Variants in CUBN observed in about 807,000 individuals in gnomAD.
CUBN encodes cubilin, also known as 460 kDa receptor.
CUBN carries 282 observed loss-of-function variants against 405.3 expected under a neutral mutation model. That is an observed-to-expected ratio of 0.70 (90% CI 0.63 to 0.77). The LOEUF (loss-of-function observed/expected upper bound fraction) is 0.77. Ranked by LOEUF, CUBN falls within the 30% of genes least tolerant of loss-of-function variation. CUBN has a pLI of 0.00. For missense variants in CUBN, 4,514 were observed against 4,475.2 expected (o/e 1.01, Z -0.25); for synonymous variants, 1,684 against 1,617.0 (o/e 1.04, Z -0.99).
intron 22 of CUBN, among the ~76,000 whole-genome samples, chr10:17,058,217 C>T (rs1835434411): frequency 6.6e-6 from 1 of 151,886 alleles, no homozygotes; most frequent in African/African-American, 2.4e-5. Context: ...TGGTAGAAAC[C>T]AGGTGTGTGT....
chr10:17,069,053 C>A (rs192015196), intron 19 of CUBN, among the ~76,000 whole-genome samples: 2 of 152,098 alleles, frequency 1.3e-5, no homozygotes, highest in Non-Finnish European at 2.9e-5. Context: ...AATATGGGGT[C>A]TTTTGTGATT....
In CUBN at chr10:17,019,914, T is replaced by A. The variant is rs1235508568; in HGVS notation, c.4087A>T (p.Ser1363Cys). The A allele has an allele frequency of 6.2e-7, 1 of 1,614,166 alleles. No individual in the cohort carries two copies. The highest frequency in any genetic ancestry group is 1.7e-5 in the Admixed American group (1 of 60,024). ...VDLPPPGSTT[S>C]SKLQVLLLTD... The stretch of plus-strand genomic sequence containing the variant: ...AGGAGCAGCACTTGAAGCTTGGAGC[T>A]TGTAGTACTCCCTGGAGGGGGCAGG... The change falls in exon 28 of 67, where the codon AGC becomes TGC. Residue 1363 changes from serine (S) to cysteine (C), a missense_variant. Ser to Cys is a moderately radical substitution (Grantham distance 112). Around this residue, in one of 5 missense-constraint regions of CUBN, gnomAD observed 242 missense variants for 309.0 expected, o/e 0.78. Coordinates refer to ENST00000377833, the MANE Select transcript of CUBN (RefSeq NM_001081.4).
In CUBN at chr10:16,869,718, G is replaced by A; in HGVS notation, c.9372C>T (p.Ser3124=). 6.2e-7 allele frequency: 1 copy of A among 1,614,040 alleles called. No individual in the cohort carries two copies. Among genetic ancestry groups the A allele is most frequent in the Non-Finnish European group, 8.5e-7 (1 of 1,179,938 alleles). ...GSKRPPNVKS[S]NNSMLLVFKT... The stretch of plus-strand genomic sequence containing the variant: ...TGAACACCAGGAGCATACTATTATT[G>A]CTGCTCTTCACATTTGGTGGGCGCT... Residue 3124 remains serine, a synonymous_variant, in exon 59 of 67, where the codon AGC becomes AGT. Transcript: ENST00000377833.
chr10:16,979,103 G>A (rs1833187151), intron 31 of CUBN, among the ~76,000 whole-genome samples: 1 of 152,086 alleles, frequency 6.6e-6, no homozygotes, highest in South Asian at 2.1e-4. Context: ...TTGCTACAAA[G>A]AGAATAAAAT....
At chr10:16,932,936 T>C in intron 40 of CUBN, 151 bp downstream of exon 40, 1 of 750,492 alleles carries the variant, frequency 1.3e-6, no homozygotes, top group Non-Finnish European at 2.3e-6. Context: ...TCAGAAGTTG[T>C]AGCCATTTCT....
chr10:16,958,126 C>T (rs910780333), intron 31 of CUBN, among the ~76,000 whole-genome samples: 1 of 152,098 alleles, frequency 6.6e-6, no homozygotes, highest in Admixed American at 6.5e-5. Context: ...AGGCTGAAAT[C>T]TTCAGAAAAT....
At chr10:17,032,590 A>C (rs1287586419) in intron 27 of CUBN, among the ~76,000 whole-genome samples, 1 of 152,232 alleles carries the variant, frequency 6.6e-6, no homozygotes, top group African/African-American at 2.4e-5. Context: ...TGTCTAGCAC[A>C]TGATGGGCAT....
At position 17,071,901 on chromosome 10, in the gene CUBN, G is replaced by C; in HGVS notation, c.2372C>G (p.Thr791Ser). 1 of 1,612,716 alleles carries C rather than the reference G, an allele frequency of 6.2e-7. No homozygotes were observed. The highest frequency in any genetic ancestry group is 8.5e-7 in the Non-Finnish European group (1 of 1,179,136). The change falls in exon 18 of 67, where the codon ACT becomes AGT. Residue 791 changes from threonine to serine, a missense_variant. Coordinates refer to ENST00000377833, the MANE Select transcript of CUBN (RefSeq NM_001081.4). ...TTTAAACCTGATCCAGACACTATTA[G>C]TAATGGATTTAATGTGAGAGATGGT... is the stretch of plus-strand genomic sequence containing the variant. ...NGTISHIKSI[T>S]NSVWIRFKID... is the part of the protein sequence containing the mutation.
At chr10:16,964,927 T>C (rs1843344179) in intron 31 of CUBN, among the ~76,000 whole-genome samples, 1 of 152,348 alleles carries the variant, frequency 6.6e-6, no homozygotes, top group African/African-American at 2.4e-5. Flanking sequence ...TCTTCCATGT[T>C]CCACAAACCC....
intron 22 of CUBN, among the ~76,000 whole-genome samples, chr10:17,059,534 GT>G (rs1473441628): frequency 1.3e-5 from 2 of 151,222 alleles, no homozygotes; most frequent in Non-Finnish European, 3.0e-5. Flanking sequence ...CTTATGAAAT[GT>G]TTGGTTTCTG....
chr10:17,070,391 T>C (rs550553400), intron 19 of CUBN, among the ~76,000 whole-genome samples: 57 of 152,284 alleles, frequency 3.7e-4, no homozygotes, highest in Non-Finnish European at 7.9e-4. Flanking sequence ...AGCTTATGTA[T>C]TTTTTTAAAA....
intron 17 of CUBN, among the ~76,000 whole-genome samples, chr10:17,074,019 T>TTATTCGATGG (rs1835796866): frequency 6.6e-6 from 1 of 152,194 alleles, no homozygotes; most frequent in Admixed American, 6.5e-5. Context: ...TGAGCAGGAA[T>TTATTCGATGG]TATTCGATGG....
In CUBN at chr10:16,948,525, C is replaced by G; in HGVS notation, c.5162G>C (p.Ser1721Thr). The G allele has an allele frequency of 6.2e-7, 1 of 1,614,064 alleles. No individual in the cohort carries two copies. The highest frequency in any genetic ancestry group is 8.5e-7 in the Non-Finnish European group (1 of 1,179,980). ...GGTGTGGAAACCCCCAGCACTGATG[C>G]TAGAATCAGAGACGAATCTCAGCGT... Reference protein sequence around the residue: ...ALTLRFVSDSSISAGGFHTTV... With the variant: ...ALTLRFVSDSTISAGGFHTTV... Residue 1721 changes from serine to threonine, a missense_variant, in exon 35 of 67, where the codon AGC becomes ACC. Around this residue, in one of 5 missense-constraint regions of CUBN, gnomAD observed 1,613 missense variants for 1,542.8 expected, o/e 1.05. Transcript: ENST00000377833.
Position 17,068,808 on chromosome 10 carries a change from T to C in CUBN, c.2626-38A>G, listed in dbSNP as rs1248472153. On this transcript the variant is annotated intron_variant, in intron 19 of 66. Transcript: ENST00000377833. ...AAGATATGTTCAAATATGTTGTATA[T>C]CAATTTTGAAAACTGCTTCAAGAAT... 9 of 1,494,266 alleles carry C rather than the reference T, an allele frequency of 6.0e-6. No homozygotes were observed. In the East Asian group the frequency reaches 1.4e-4, roughly 23 times the overall value. 92.6% of individuals were successfully genotyped at this position (1,494,266 alleles called of 1,614,324 possible).
Position 17,088,185 on chromosome 10 carries a change from G to A in CUBN, c.1926C>T (p.Asp642=), listed in dbSNP as rs201938886. ...TTACCTCAAGGTAATCTTTGTTGCA[G>A]TCATCATGGTGCTCGAGGCTCAAGG... is the stretch of plus-strand genomic sequence containing the variant. The part of the protein sequence containing the change: ...FGTLSLEHHD[D]CNKDYLEIRD... Residue 642 remains aspartate (D), a synonymous_variant, in exon 15 of 67, where the codon GAC becomes GAT. Coordinates refer to ENST00000377833, the MANE Select transcript of CUBN (RefSeq NM_001081.4). 297 of 1,613,156 alleles carry A rather than the reference G, an allele frequency of 1.8e-4. No individual in the cohort carries two copies. The highest frequency in any genetic ancestry group is 2.4e-4 in the Non-Finnish European group (278 of 1,179,174).
chr10:16,854,194 C>T (rs1176332017), intron 59 of CUBN, among the ~76,000 whole-genome samples: 1 of 152,124 alleles, frequency 6.6e-6, no homozygotes, highest in African/African-American at 2.4e-5. Context: ...CAATTCCAGC[C>T]TGAAAGAATC....
chr10:16,918,445 A>G lies in CUBN; in HGVS notation c.7000+177T>C, dbSNP rs113622362. On this transcript the variant is annotated intron_variant, in intron 45 of 66. Transcript: ENST00000377833. Reference sequence around the variant, plus strand: ...TGAGCACGGAATTTTCTTTCATTTGATAGGGTGGAGGGTGGGAGAAGGGAG... The same window carrying G: ...TGAGCACGGAATTTTCTTTCATTTGGTAGGGTGGAGGGTGGGAGAAGGGAG... Among the ~76,000 whole-genome samples the G allele has an allele frequency of 9.0e-3, 1,369 of 152,020 alleles. 17 individuals carry two copies. Among genetic ancestry groups the G allele is most frequent in the African/African-American group, 0.031 (1,273 of 41,482 alleles).
intron 61 of CUBN, 130 bp from the exon 62 acceptor site, chr10:16,840,665 AG>A: frequency 2.2e-6 from 2 of 912,546 alleles, no homozygotes; most frequent in Non-Finnish European, 3.5e-6. Flanking sequence ...TTAAGAATTC[AG>A]GGTTTATATC....
rs1564465729 is a variant in CUBN, at chr10:16,990,468, CG to C, written c.4215del (p.Phe1407SerfsTer56). On this transcript the variant is annotated frameshift_variant, in exon 29 of 67. Transcript: ENST00000377833. LOFTEE classifies it high-confidence loss of function. ...TTTGGTGGATACCTGTTGGGGAACCCGGGGCTGCTGAAGGAGCCTGTGGCCC... is the reference window on the plus strand; with the variant it reads ...TTTGGTGGATACCTGTTGGGGAACCCGGGCTGCTGAAGGAGCCTGTGGCCC... ...LSGATGSFSS[P>X]GFPNRYPPNK... 6.2e-7 allele frequency: 1 copy of C among 1,614,146 alleles called. No individual in the cohort carries two copies. Among genetic ancestry groups the C allele is most frequent in the Non-Finnish European group, 8.5e-7 (1 of 1,180,026 alleles).
Sources: allele counts gnomAD v4.1 joint callset (sites outside exome capture counted in the v4.1 genomes callset), GRCh38; gene constraint gnomAD v4.1.1; regional missense constraint gnomAD v4.1.1; transcripts MANE v1.5; gene names NCBI Gene and HGNC (gene_info 2026-07-23, HGNC 2026-07-21).